C11orf65: variants seen among roughly 807,000 people sequenced by gnomAD.
The protein encoded by C11orf65 is chromosome 11 open reading frame 65.
In C11orf65, 38 loss-of-function variants were observed where a neutral mutation model predicts 35.3. The ratio of observed to expected loss-of-function variants is 1.08; its 90% CI spans 0.83 to 1.41. The LOEUF is 1.41. C11orf65 is among the 40% of genes most tolerant of loss of function. The pLI, the probability that C11orf65 is intolerant of heterozygous loss-of-function variation, is 0.00. For synonymous variants in C11orf65, 105 were observed against 114.4 expected, an observed-to-expected ratio of 0.92 and a Z score of 0.53; for missense variants, 370 against 367.1, an observed-to-expected ratio of 1.01 and a Z score of -0.06.
intron 2 of C11orf65, among the ~76,000 whole-genome samples, chr11:108,458,376 A>AAAGAGGT (rs1222840971): frequency 6.6e-6 from 1 of 151,040 alleles, no homozygotes; most frequent in African/African-American, 2.4e-5. Flanking sequence ...AAAAAAAAAA[A>AAAGAGGT]AAGAGGTGGT....
At chr11:108,420,197 T>C (rs1182590766) in intron 3 of C11orf65, among the ~76,000 whole-genome samples, 2 of 152,190 alleles carry the variant, frequency 1.3e-5, no homozygotes, top group African/African-American at 4.8e-5. Flanking sequence ...GTAAGACCTC[T>C]CTATAGAAAA....
rs1407651309 is a variant in C11orf65, at chr11:108,358,683, T to C, written c.227-23391A>G. ...AGAATTTTCAACCCAGAATTTCATATCCAGCCAAACTAAGCTTCATCAGTG... is the reference window on the plus strand; with the variant it reads ...AGAATTTTCAACCCAGAATTTCATACCCAGCCAAACTAAGCTTCATCAGTG... On this transcript the variant is annotated intron_variant, in intron 2 of 3. Coordinates refer to the C11orf65 transcript ENST00000524755. Among the ~76,000 whole-genome samples the C allele has an allele frequency of 1.2e-4, 18 of 149,020 alleles. No individual in the cohort carries two copies. The East Asian group carries it at 3.5e-3, about 29-fold the overall frequency.
At chr11:108,428,812 AAAAC>A (rs756449027) in intron 3 of C11orf65, among the ~76,000 whole-genome samples, 10 of 152,206 alleles carry the variant, frequency 6.6e-5, no homozygotes, top group Non-Finnish European at 8.8e-5. Flanking sequence ...AAAGTATTAA[AAAAC>A]AAACAAACAA....
At chr11:108,343,454 A>G in intron 2 of C11orf65, 1 of 1,532,490 alleles carries the variant, frequency 6.5e-7, no homozygotes, top group East Asian at 2.3e-5. Flanking sequence ...ATTATAGAAT[A>G]CAAAAAAACT....
intron 2 of C11orf65, among the ~76,000 whole-genome samples, chr11:108,359,797 G>C (rs1056457571): frequency 2.6e-5 from 4 of 152,056 alleles, no homozygotes; most frequent in African/African-American, 9.7e-5. Context: ...ATTCAAAGCA[G>C]TGTGTAGAGG....
At chr11:108,331,346 T>C, downstream of C11orf65, 2 of 1,502,172 alleles carry the variant, frequency 1.3e-6, no homozygotes, top group Non-Finnish European at 1.8e-6. Context: ...CCACTTGTGC[T>C]AATAGAGGAG....
Position 108,346,745 on chromosome 11 carries a change from T to A in C11orf65, c.227-11453A>T, listed in dbSNP as rs555019057. On this transcript the variant is annotated intron_variant, in intron 2 of 3. Transcript: ENST00000524755. ...GTGTTTTTTTGTAATGCCATGTGAT[T>A]TCTCCCATTAGTGCATGTCATCATC... 7.2e-5 allele frequency among the ~76,000 whole-genome samples: 11 copies of A among 152,212 alleles called. No individual in the cohort carries two copies. In the East Asian group the frequency reaches 2.1e-3, roughly 29 times the overall value.
rs889528504 is a variant in C11orf65 at position 108,387,034 on chromosome 11, A to G, written c.732-1059T>C. Among the ~76,000 whole-genome samples, 38 of 151,098 alleles carry G rather than the reference A, an allele frequency of 2.5e-4. 1 individual carries two copies. The highest frequency in any genetic ancestry group is 6.6e-5 in the Admixed American group (1 of 15,146). On this transcript the variant is annotated intron_variant, in intron 7 of 8. Coordinates refer to ENST00000393084, the MANE Select transcript of C11orf65 (RefSeq NM_152587.5). ...GAGGTGGAGCTTGCAGTGAACTGAG[A>G]TGGTGCCACTGAACTCCAGCTTGGG... is the stretch of plus-strand genomic sequence containing the variant.
intron 6 of C11orf65, among the ~76,000 whole-genome samples, chr11:108,313,594 G>A (rs1019447777): frequency 6.6e-6 from 1 of 152,080 alleles, no homozygotes; most frequent in Non-Finnish European, 1.5e-5. Context: ...CCACTCTCCT[G>A]ATTTTTCTCC....
chr11:108,316,103 G>T lies in C11orf65; in HGVS notation c.641-7032C>A, dbSNP rs866290641. The T allele has an allele frequency of 6.2e-7, 1 of 1,613,978 alleles. No homozygotes were observed. The highest frequency in any genetic ancestry group is 8.5e-7 in the Non-Finnish European group (1 of 1,179,906). ...ATCCCCTCATCAACACGCCAGGCAG[G>T]AATCATTCAGGTACATTTTTTCCCA... is the stretch of plus-strand genomic sequence containing the variant. On this transcript the variant is annotated intron_variant, in intron 6 of 6. Transcript: ENST00000525729.
rs377648506 is a variant in C11orf65 at position 108,333,946 on chromosome 11, T to C, written c.299+1274A>G. The C allele has an allele frequency of 2.1e-5, 34 of 1,611,164 alleles. No individual in the cohort carries two copies. In the African/African-American group the frequency reaches 3.5e-4, roughly 16 times the overall value. ...AAACTTAAGAATTTAGAAGATGTTG[T>C]TGTCCCTACTATGGAAATTAAGGTA... On this transcript the variant is annotated intron_variant, in intron 3 of 3. Coordinates refer to the C11orf65 transcript ENST00000524755.
intron 2 of C11orf65, among the ~76,000 whole-genome samples, chr11:108,362,192 G>T (rs2090845511): frequency 6.9e-6 from 1 of 145,104 alleles, no homozygotes; most frequent in Non-Finnish European, 1.5e-5. Flanking sequence ...AAAAACACAT[G>T]AAAAAATGCT....
At position 108,355,074 on chromosome 11, in the gene C11orf65, G is replaced by C. The variant is rs1273340155; in HGVS notation, c.227-19782C>G. The C allele has an allele frequency of 6.0e-5, 35 of 581,430 alleles. 1 individual carries two copies. In the South Asian group the frequency reaches 6.9e-4, roughly 11 times the overall value. 36.0% of individuals were successfully genotyped at this position (581,430 alleles called of 1,614,324 possible). On this transcript the variant is annotated intron_variant, in intron 2 of 3. Transcript: ENST00000524755. ...GTTTAGAAATGCCTTCAGCCCCCTT[G>C]AGTTTCTTGGAATGTTAGAGCATTG...
intron 2 of C11orf65, among the ~76,000 whole-genome samples, chr11:108,445,250 G>C (rs1386936065): frequency 1.3e-5 from 2 of 152,204 alleles, no homozygotes; most frequent in African/African-American, 2.4e-5. Context: ...CAGCTTTGAA[G>C]AGAGTAGTGG....
intron 6 of C11orf65, among the ~76,000 whole-genome samples, chr11:108,316,548 AAT>A (rs1250371300): frequency 6.6e-6 from 1 of 152,096 alleles, no homozygotes; most frequent in Non-Finnish European, 1.5e-5. Context: ...TCTTCCATGA[AAT>A]ATTAGAGCCC....
chr11:108,427,393 T>C (rs1417160298), intron 3 of C11orf65, among the ~76,000 whole-genome samples: 1 of 149,814 alleles, frequency 6.7e-6, no homozygotes, highest in Non-Finnish European at 1.5e-5. Flanking sequence ...CAGATGCTTC[T>C]CAAAAGAAGA....
At chr11:108,387,755 T>G (rs2092046587) in intron 7 of C11orf65, among the ~76,000 whole-genome samples, 1 of 152,190 alleles carries the variant, frequency 6.6e-6, no homozygotes, top group African/African-American at 2.4e-5. Flanking sequence ...CTTGAACTCT[T>G]GGGCTCAAGT....
intron 3 of C11orf65, among the ~76,000 whole-genome samples, chr11:108,416,863 T>A (rs149057497): frequency 6.6e-6 from 1 of 152,236 alleles, no homozygotes; most frequent in East Asian, 1.9e-4. Flanking sequence ...CTAAATGTAC[T>A]CTTACCATAA....
intron 3 of C11orf65, among the ~76,000 whole-genome samples, chr11:108,411,283 C>T (rs1171290377): frequency 6.6e-6 from 1 of 152,002 alleles, no homozygotes. Flanking sequence ...TTTTCTACTT[C>T]TGTATTCTCA....
Sources: allele counts gnomAD v4.1 joint callset (sites outside exome capture counted in the v4.1 genomes callset), GRCh38; gene constraint gnomAD v4.1.1; transcripts MANE v1.5; gene names NCBI Gene and HGNC (gene_info 2026-07-23, HGNC 2026-07-21).